Variants in RAP1GAP observed in about 807,000 individuals in gnomAD.
The protein encoded by RAP1GAP is rap1 GTPase-activating protein 1.
Under a neutral mutation model 87.2 loss-of-function variants are expected in RAP1GAP, and 35 were observed. The ratio of observed to expected loss-of-function variants is 0.40; its 90% CI spans 0.31 to 0.53. RAP1GAP has a LOEUF of 0.53. RAP1GAP is among the 20% of genes least tolerant of loss of function. The pLI is 0.48. For synonymous variants in RAP1GAP, 375 were observed against 363.9 expected (o/e 1.03, Z -0.35); for missense variants, 734 against 898.9 (o/e 0.82, Z 2.35).
Position 21,635,089 on chromosome 1 carries a change from G to C in RAP1GAP, c.-112-8692C>G, listed in dbSNP as rs577911845. 3.0e-4 allele frequency among the ~76,000 whole-genome samples: 45 copies of C among 152,320 alleles called. No individual in the cohort carries two copies. The South Asian group carries it at 7.9e-3, about 27-fold the overall frequency. On this transcript the variant is annotated intron_variant, in intron 2 of 24. Coordinates refer to ENST00000374765, the MANE Select transcript of RAP1GAP (RefSeq NM_002885.4). ...GAAAACTGGAGCCTGGATGGAGATG[G>C]TGACTTCCAAGCTTCCACCCCGAAG...
At chr1:21,606,897 G>C (rs1436384493) in intron 17 of RAP1GAP, among the ~76,000 whole-genome samples, 1 of 152,162 alleles carries the variant, frequency 6.6e-6, no homozygotes, top group Non-Finnish European at 1.5e-5. Context: ...CCACCGTCCA[G>C]CACCTACCAG....
intron 2 of RAP1GAP, among the ~76,000 whole-genome samples, chr1:21,632,626 T>A (rs1285298132): frequency 6.6e-6 from 1 of 152,110 alleles, no homozygotes; most frequent in East Asian, 1.9e-4. Flanking sequence ...CAGCCCAGGC[T>A]CAGTGGTTCA....
At chr1:21,601,893 C>T (rs1182129046) in intron 19 of RAP1GAP, 96 bp from the exon 20 acceptor site, 8 of 805,018 alleles carry the variant, frequency 9.9e-6, no homozygotes, top group Non-Finnish European at 1.5e-5. Context: ...ACGGTGCCTC[C>T]TGCCTCATAC....
chr1:21,597,842 C>T, intron 23 of RAP1GAP, 114 bp from the exon 24 acceptor site: 3 of 1,523,572 alleles, frequency 2.0e-6, no homozygotes, highest in Non-Finnish European at 9.0e-7. Flanking sequence ...CCCCACCCCT[C>T]CTGGCCTAGC....
At chr1:21,618,575 C>T (rs1324493287) in intron 5 of RAP1GAP, among the ~76,000 whole-genome samples, 1 of 151,256 alleles carries the variant, frequency 6.6e-6, no homozygotes, top group Non-Finnish European at 1.5e-5. Context: ...CCTATCACTC[C>T]CTCCCCATCC....
chr1:21,623,154 G>C (rs912212897), intron 3 of RAP1GAP, among the ~76,000 whole-genome samples: 2 of 152,162 alleles, frequency 1.3e-5, no homozygotes, highest in African/African-American at 4.8e-5. Flanking sequence ...CCCAGATCCT[G>C]GGGGAGATGG....
In RAP1GAP at chr1:21,597,745, G is replaced by A; in HGVS notation, c.1984-17C>T. 1 of 1,613,594 alleles carries A rather than the reference G, an allele frequency of 6.2e-7. No individual in the cohort carries two copies. The highest frequency in any genetic ancestry group is 8.5e-7 in the Non-Finnish European group (1 of 1,179,624). ...CTAACAGCCCTGCAGACAGACAGTG[G>A]TGGTGAGGCAGGTGGCAAGACGGGA... On this transcript the variant is annotated splice_polypyrimidine_tract_variant and intron_variant, in intron 23 of 24. Coordinates refer to ENST00000374765, the MANE Select transcript of RAP1GAP (RefSeq NM_002885.4).
At position 21,634,964 on chromosome 1, in the gene RAP1GAP, C is replaced by T. The variant is rs1444247693; in HGVS notation, c.-112-8567G>A. Among the ~76,000 whole-genome samples the T allele has an allele frequency of 1.3e-5, 2 of 152,348 alleles. No individual in the cohort carries two copies. Among genetic ancestry groups the T allele is most frequent in the African/African-American group, 4.8e-5 (2 of 41,580 alleles). On this transcript the variant is annotated intron_variant, in intron 2 of 24. Transcript: ENST00000374765. The surrounding 1 kb of genome is among the most constrained non-coding windows in gnomAD (Gnocchi z 4.1). Reference sequence around the variant, plus strand: ...GCAACAACATCATCTGCTTCCCTAGCCTGGCACTTTCCAGTTTACAAACTG... The same window carrying T: ...GCAACAACATCATCTGCTTCCCTAGTCTGGCACTTTCCAGTTTACAAACTG...
At chr1:21,619,917 C>T (rs1323717162) in intron 4 of RAP1GAP, 98 bp downstream of exon 4, 3 of 1,347,310 alleles carry the variant, frequency 2.2e-6, no homozygotes, top group East Asian at 4.6e-5. Flanking sequence ...GTGGCCTGTC[C>T]TCAGGGAGGT....
rs576279127 is a variant in RAP1GAP, at chr1:21,602,368, C to T, written c.1538+436G>A. On this transcript the variant is annotated intron_variant, in intron 19 of 24. Coordinates refer to ENST00000374765, the MANE Select transcript of RAP1GAP (RefSeq NM_002885.4). ...CAGCCGGGAGCTAGCCTCTGATGTC[C>T]GGGGGCAGCCCTGCTGCTGGCCTGG... is the stretch of plus-strand genomic sequence containing the variant. Among the ~76,000 whole-genome samples the T allele has an allele frequency of 1.6e-3, 250 of 152,320 alleles. 1 individual carries two copies. Among genetic ancestry groups the T allele is most frequent in the African/African-American group, 4.9e-3 (202 of 41,572 alleles).
rs1269382899 is a variant in RAP1GAP at position 21,596,346 on chromosome 1, C to G, written c.*953G>C. On this transcript the variant is annotated 3_prime_UTR_variant, in exon 25 of 25. Coordinates refer to ENST00000374765, the MANE Select transcript of RAP1GAP (RefSeq NM_002885.4). ...TTGGCGTGACGCCTAAAAAGTGTGACCAGACACACAAGGGCTCCCAGCAGC... is the reference window on the plus strand; with the variant it reads ...TTGGCGTGACGCCTAAAAAGTGTGAGCAGACACACAAGGGCTCCCAGCAGC... 6.6e-6 allele frequency: 1 copy of G among 152,242 alleles called. No individual in the cohort carries two copies. Among genetic ancestry groups the G allele is most frequent in the African/African-American group, 2.4e-5 (1 of 41,452 alleles). The allele number at this position is 152,242 out of a possible 1,614,324, so 9.4% of individuals were successfully genotyped here.
At chr1:21,621,750 G>C (rs528243170) in intron 3 of RAP1GAP, among the ~76,000 whole-genome samples, 2 of 152,352 alleles carry the variant, frequency 1.3e-5, no homozygotes, top group African/African-American at 4.8e-5. Flanking sequence ...GAGTCACACT[G>C]ATGATGGGTG....
chr1:21,617,486 C>A lies in RAP1GAP; in HGVS notation c.111G>T (p.Leu37Phe). ...TGAGGGGGAAGGGTCCTTCTCGCCCCAAGACCTGAAGAGGGACTCAGCTGA... is the reference window on the plus strand; with the variant it reads ...TGAGGGGGAAGGGTCCTTCTCGCCCAAAGACCTGAAGAGGGACTCAGCTGA... ...YIPYPSVHEV[L>F]GREGPFPLIL... Residue 37 changes from leucine to phenylalanine, a missense_variant, in exon 7 of 25, where the codon TTG becomes TTT. Transcript: ENST00000374765. 6.3e-7 allele frequency: 1 copy of A among 1,595,792 alleles called. No homozygotes were observed. Among genetic ancestry groups the A allele is most frequent in the East Asian group, 2.3e-5 (1 of 44,258 alleles).
intron 17 of RAP1GAP, among the ~76,000 whole-genome samples, chr1:21,607,224 G>C (rs2075263276): frequency 6.6e-6 from 1 of 152,162 alleles, no homozygotes; most frequent in Admixed American, 6.5e-5. Context: ...TCCAGACCCT[G>C]TCCAGGAACT....
At chr1:21,652,625 T>C (rs759896278) in intron 1 of RAP1GAP, among the ~76,000 whole-genome samples, 7 of 151,894 alleles carry the variant, frequency 4.6e-5, no homozygotes, top group African/African-American at 1.5e-4. Context: ...GCAGTCCAGG[T>C]CCCAACCTTT....
At chr1:21,643,948 G>C (rs774639380) in intron 2 of RAP1GAP, among the ~76,000 whole-genome samples, 2 of 152,154 alleles carry the variant, frequency 1.3e-5, no homozygotes, top group Non-Finnish European at 2.9e-5. Flanking sequence ...CCAGGAGATA[G>C]GGGCACACAG....
intron 2 of RAP1GAP, among the ~76,000 whole-genome samples, chr1:21,632,208 TGTGGGGGAA>T (rs2093890565): frequency 6.6e-6 from 1 of 151,820 alleles, no homozygotes; most frequent in Admixed American, 6.6e-5. Context: ...GAAGCAAGGG[TGTGGGGGAA>T]GGGCCCAGCT....
At chr1:21,611,947 G>T in intron 11 of RAP1GAP, 79 bp downstream of exon 11, 2 of 1,480,200 alleles carry the variant, frequency 1.4e-6, no homozygotes, top group South Asian at 1.2e-5. Flanking sequence ...CCCTTGGCCG[G>T]TGTGCTGCCC....
intron 3 of RAP1GAP, among the ~76,000 whole-genome samples, chr1:21,621,148 C>T (rs941444710): frequency 5.3e-5 from 8 of 152,318 alleles, no homozygotes; most frequent in African/African-American, 1.7e-4. Context: ...CTGTGCAGGT[C>T]TGCACACCAG....
Sources: gnomAD v4.1 joint callset for allele counts (sites outside exome capture counted in the v4.1 genomes callset) on GRCh38, gnomAD v4.1.1 for gene constraint, Gnocchi (gnomAD v3.1) non-coding constraint, MANE v1.5 for transcripts, NCBI Gene and HGNC (gene_info 2026-07-23, HGNC 2026-07-21) for gene names.